Variants in CNTN3 observed in about 807,000 individuals in gnomAD.
The protein encoded by CNTN3 is contactin 3.
Under a neutral mutation model 119.1 loss-of-function variants are expected in CNTN3, and 60 were observed. The observed-to-expected ratio is 0.50, with a 90% CI of 0.41 to 0.62. The LOEUF (loss-of-function observed/expected upper bound fraction) is 0.62, where lower values mean the gene tolerates loss of function less well. Ranked by LOEUF, CNTN3 falls within the 20% of genes least tolerant of loss-of-function variation. The pLI, the probability that CNTN3 is intolerant of heterozygous loss-of-function variation, is 0.00. For missense variants in CNTN3, 1,101 were observed against 1,242.4 expected, an observed-to-expected ratio of 0.89 and a Z score of 1.71; for synonymous variants, 450 against 438.7, an observed-to-expected ratio of 1.03 and a Z score of -0.32.
chr3:74,432,903 C>T (rs968377268), intron 4 of CNTN3, among the ~76,000 whole-genome samples: 6 of 152,070 alleles, frequency 3.9e-5, no homozygotes, highest in African/African-American at 1.4e-4. Context: ...CTTAGGAAAA[C>T]AAAACTTTAT....
In CNTN3 at chr3:74,469,938, A is replaced by G. The variant is rs140565268; in HGVS notation, c.358+16518T>C. Among the ~76,000 whole-genome samples, 96 of 152,352 alleles carry G rather than the reference A, an allele frequency of 6.3e-4. No individual in the cohort carries two copies. In the East Asian group the frequency reaches 0.017, roughly 28 times the overall value. ...AGCAGCATTATTTATAGCAATGAAA[A>G]AGCAGAAACAACCCTAATAATCATC... On this transcript the variant is annotated intron_variant, in intron 4 of 22. Transcript: ENST00000263665.
intron 4 of CNTN3, among the ~76,000 whole-genome samples, chr3:74,463,561 A>C (rs1307625557): frequency 6.6e-6 from 1 of 152,134 alleles, no homozygotes; most frequent in Non-Finnish European, 1.5e-5. Flanking sequence ...CCTACACAAG[A>C]TGTCAAATGA....
intron 5 of CNTN3, among the ~76,000 whole-genome samples, chr3:74,406,880 T>C (rs748710669): frequency 4.6e-5 from 7 of 152,126 alleles, no homozygotes; most frequent in Non-Finnish European, 8.8e-5. Context: ...AAAAGACATA[T>C]AGGAGACTTC....
chr3:74,494,949 C>T (rs915855125), intron 3 of CNTN3, among the ~76,000 whole-genome samples: 7 of 152,158 alleles, frequency 4.6e-5, no homozygotes, highest in South Asian at 2.1e-4. Context: ...ATGTCAAGAA[C>T]GCTTCCTAGG....
chr3:74,330,284 A>G (rs530552676), intron 13 of CNTN3, among the ~76,000 whole-genome samples: 138 of 151,982 alleles, frequency 9.1e-4, no homozygotes, highest in Non-Finnish European at 1.6e-3. Context: ...TGAACCTGGG[A>G]GGCAGAGGTT....
At chr3:74,380,719 C>CA (rs1287557195) in intron 5 of CNTN3, among the ~76,000 whole-genome samples, 3 of 152,086 alleles carry the variant, frequency 2.0e-5, no homozygotes, top group Admixed American at 1.3e-4. Flanking sequence ...GCAAGTGATA[C>CA]AAAAGAACCA....
At chr3:74,284,194 A>C (rs1310864889) in intron 20 of CNTN3, among the ~76,000 whole-genome samples, 1 of 152,166 alleles carries the variant, frequency 6.6e-6, no homozygotes, top group Non-Finnish European at 1.5e-5. Flanking sequence ...ATATTATTGA[A>C]GTTCTTTGCA....
chr3:74,581,641 C>T (rs1361581664), intron 1 of CNTN3, among the ~76,000 whole-genome samples: 2 of 152,170 alleles, frequency 1.3e-5, no homozygotes, highest in African/African-American at 4.8e-5. Flanking sequence ...GTATGTGGAA[C>T]TGCCAAGGAT....
At chr3:74,497,790 T>C (rs1274025897) in intron 3 of CNTN3, among the ~76,000 whole-genome samples, 1 of 151,726 alleles carries the variant, frequency 6.6e-6, no homozygotes, top group South Asian at 2.1e-4. Flanking sequence ...CAGGATGACA[T>C]CCCAGGACGT....
At chr3:74,283,927 T>C (rs1230675012) in intron 20 of CNTN3, among the ~76,000 whole-genome samples, 1 of 152,164 alleles carries the variant, frequency 6.6e-6, no homozygotes, top group African/African-American at 2.4e-5. Flanking sequence ...TCATGTTAAA[T>C]TGTTACATTA....
Position 74,336,571 on chromosome 3 carries a change from C to A in CNTN3, c.1452G>T (p.Gln484His). The change falls in exon 12 of 23, where the codon CAG becomes CAT. Residue 484 changes from glutamine (Q) to histidine (H), a missense_variant. Physicochemically the swap from Gln to His is conservative, Grantham distance 24. Transcript: ENST00000263665. Reference protein sequence around the residue: ...AGTYTCMAENQFGKANGTTHL... With the variant: ...AGTYTCMAENHFGKANGTTHL... ...GTGTTGTGCCATTTGCTTTCCCAAA[C>A]TGGTTTTCTGCCATGCAGGTGTAAG... 1.2e-6 allele frequency: 2 copies of A among 1,612,876 alleles called. No homozygotes were observed. The highest frequency in any genetic ancestry group is 1.7e-6 in the Non-Finnish European group (2 of 1,179,104).
chr3:74,317,804 C>T (rs1231240216), intron 13 of CNTN3, among the ~76,000 whole-genome samples: 1 of 152,100 alleles, frequency 6.6e-6, no homozygotes, highest in Non-Finnish European at 1.5e-5. Flanking sequence ...GTGACTCTGA[C>T]AATTATGTGT....
chr3:74,486,280 TTAA>T (rs1702857211), intron 4 of CNTN3, among the ~76,000 whole-genome samples, 173 bp downstream of exon 4: 1 of 151,374 alleles, frequency 6.6e-6, no homozygotes. Context: ...ACACACACAT[TTAA>T]AGCTCTGATT....
chr3:74,441,557 A>C (rs1038824563), intron 4 of CNTN3, among the ~76,000 whole-genome samples: 7 of 152,202 alleles, frequency 4.6e-5, no homozygotes, highest in African/African-American at 1.7e-4. Context: ...TTTGGTACTT[A>C]AGAAGCCCTT....
chr3:74,329,412 G>C (rs763463582), intron 13 of CNTN3, among the ~76,000 whole-genome samples: 56 of 152,272 alleles, frequency 3.7e-4, no homozygotes, highest in Admixed American at 6.5e-4. Flanking sequence ...CTTGGCTCTA[G>C]ACATTCTTTA....
chr3:74,455,115 T>G (rs1427210073), intron 4 of CNTN3, among the ~76,000 whole-genome samples: 2 of 152,158 alleles, frequency 1.3e-5, no homozygotes, highest in Non-Finnish European at 2.9e-5. Flanking sequence ...CCAACTTGGT[T>G]CCATTCTCCC....
chr3:74,403,041 C>T (rs1330116581), intron 5 of CNTN3, among the ~76,000 whole-genome samples: 2 of 152,046 alleles, frequency 1.3e-5, no homozygotes, highest in Admixed American at 6.6e-5. Context: ...ATGTTTTGGG[C>T]CTTGTGGGAA....
intron 5 of CNTN3, among the ~76,000 whole-genome samples, chr3:74,424,454 TTG>T (rs111872098): frequency 2.9e-4 from 37 of 129,338 alleles, no homozygotes; most frequent in Non-Finnish European, 4.6e-4. Flanking sequence ...ACTAATAAGC[TTG>T]TGTGTGTGTG....
intron 5 of CNTN3, among the ~76,000 whole-genome samples, chr3:74,399,411 T>C (rs1331813699): frequency 6.6e-6 from 1 of 152,224 alleles, no homozygotes; most frequent in Non-Finnish European, 1.5e-5. Flanking sequence ...TATCTGTTCC[T>C]GTGCTAGTTT....
Sources: allele counts gnomAD v4.1 joint callset (sites outside exome capture counted in the v4.1 genomes callset), GRCh38; gene constraint gnomAD v4.1.1; transcripts MANE v1.5; gene names NCBI Gene and HGNC (gene_info 2026-07-23, HGNC 2026-07-21).